Variants in NCK1 observed in about 807,000 individuals in gnomAD.
NCK1 encodes NCK adaptor protein 1, also known as SH2/SH3 adapter protein NCK1.
In NCK1, 19 loss-of-function variants were observed where a neutral mutation model predicts 36.6. The ratio of observed to expected loss-of-function variants is 0.52; its 90% CI spans 0.36 to 0.76. NCK1 has a LOEUF of 0.76. NCK1 is among the 30% of genes least tolerant of loss of function. The pLI is 0.00. For synonymous variants in NCK1, 165 were observed against 156.0 expected (o/e 1.06, Z -0.43); for missense variants, 358 against 445.6 (o/e 0.80, Z 1.77).
intron 1 of NCK1, chr3:136,899,518 C>T (rs775082088): frequency 2.2e-6 from 1 of 449,212 alleles, no homozygotes; most frequent in Non-Finnish European, 4.3e-6. Context: ...TCCTCAGAAT[C>T]TTCACCAGTT....
chr3:136,899,772 TTC>T, intron 1 of NCK1: 1 of 1,346,446 alleles, frequency 7.4e-7, no homozygotes, highest in South Asian at 1.2e-5. Flanking sequence ...ATCTTGAGAC[TTC>T]TGCACATTAG....
chr3:136,943,569 C>T (rs1940731547), intron 2 of NCK1, among the ~76,000 whole-genome samples: 1 of 152,194 alleles, frequency 6.6e-6, no homozygotes, highest in Admixed American at 6.5e-5. Context: ...AGTATGTCAT[C>T]TTGTGAAACA....
intron 1 of NCK1, among the ~76,000 whole-genome samples, chr3:136,903,239 G>A (rs1457882535): frequency 1.4e-4 from 21 of 152,018 alleles, no homozygotes; most frequent in Admixed American, 1.4e-3. Context: ...TTGACTTAAA[G>A]TTTGTTTTGT....
At chr3:136,880,626 A>G (rs1938907095) in intron 1 of NCK1, among the ~76,000 whole-genome samples, 3 of 151,950 alleles carry the variant, frequency 2.0e-5, no homozygotes, top group Admixed American at 2.0e-4. Flanking sequence ...CAATCAACAA[A>G]CTTTGTTTGT....
intron 1 of NCK1, chr3:136,899,239 G>T: frequency 3.8e-6 from 1 of 262,226 alleles, no homozygotes; most frequent in South Asian, 5.0e-5. Context: ...TCAGCTGAAG[G>T]ACTGCATATT....
intron 2 of NCK1, among the ~76,000 whole-genome samples, chr3:136,940,378 C>T (rs1398534872): frequency 2.6e-5 from 4 of 152,088 alleles, no homozygotes; most frequent in African/African-American, 9.7e-5. Flanking sequence ...GTATTGATGT[C>T]TCCAAGTATA....
chr3:136,940,410 A>G (rs1388727526), intron 2 of NCK1, among the ~76,000 whole-genome samples: 1 of 151,912 alleles, frequency 6.6e-6, no homozygotes, highest in African/African-American at 2.4e-5. Context: ...TTCTCCCTCA[A>G]TTCTGTCATT....
chr3:136,946,785 TTTA>T (rs1435778636), intron 3 of NCK1: 2 of 152,742 alleles, frequency 1.3e-5, no homozygotes, highest in Non-Finnish European at 2.9e-5. Context: ...GGAATGCACT[TTTA>T]TTATAACCTC....
At chr3:136,881,700 CT>C (rs1013037383) in intron 1 of NCK1, among the ~76,000 whole-genome samples, 1 of 152,200 alleles carries the variant, frequency 6.6e-6, no homozygotes, top group African/African-American at 2.4e-5. Context: ...CTCCTAGCCC[CT>C]GGCAACCACT....
chr3:136,875,073 A>G (rs1938728347), intron 1 of NCK1, among the ~76,000 whole-genome samples: 4 of 152,274 alleles, frequency 2.6e-5, no homozygotes, highest in Non-Finnish European at 5.9e-5. Context: ...TACCTTCTGA[A>G]TCTGTAAAAT....
chr3:136,875,749 CAG>C (rs1375355159), intron 1 of NCK1, among the ~76,000 whole-genome samples: 2 of 148,908 alleles, frequency 1.3e-5, no homozygotes, highest in African/African-American at 5.0e-5. Flanking sequence ...ATCAACGAGA[CAG>C]AAAGTCAACA....
intron 1 of NCK1, among the ~76,000 whole-genome samples, chr3:136,871,038 A>AT (rs573031360): frequency 2.0e-5 from 3 of 151,924 alleles, no homozygotes; most frequent in East Asian, 1.9e-4. Flanking sequence ...AAGGCTTTAC[A>AT]TTTTTTTTCC....
At chr3:136,946,355 G>C (rs1414282152) in intron 3 of NCK1, 60 bp downstream of exon 3, 6 of 1,411,166 alleles carry the variant, frequency 4.3e-6, no homozygotes, top group East Asian at 2.3e-5. Context: ...AAAAAAGAGA[G>C]AGAGAAATGG....
At chr3:136,901,122 A>G (rs1188247365) in intron 1 of NCK1, among the ~76,000 whole-genome samples, 1 of 152,150 alleles carries the variant, frequency 6.6e-6, no homozygotes, top group African/African-American at 2.4e-5. Context: ...ACGAAGGGAC[A>G]CTGAATTTTA....
intron 1 of NCK1, among the ~76,000 whole-genome samples, chr3:136,903,479 C>T (rs1400517868): frequency 1.3e-5 from 2 of 152,194 alleles, no homozygotes; most frequent in African/African-American, 2.4e-5. Flanking sequence ...GACTGGAGTA[C>T]AATGGTGCGG....
intron 1 of NCK1, among the ~76,000 whole-genome samples, chr3:136,917,739 C>T (rs552297444): frequency 5.5e-4 from 83 of 152,288 alleles, no homozygotes; most frequent in African/African-American, 1.8e-3. Flanking sequence ...ACAGTTCTTT[C>T]CCACAGCACT....
At chr3:136,934,913 G>A (rs1421456351) in intron 2 of NCK1, among the ~76,000 whole-genome samples, 1 of 152,122 alleles carries the variant, frequency 6.6e-6, no homozygotes, top group African/African-American at 2.4e-5. Context: ...GGTGAACTGT[G>A]AGGTCAGGAA....
Position 136,945,587 on chromosome 3 carries a change from T to C in NCK1, c.231T>C (p.Ile77=). The C allele has an allele frequency of 4.4e-6, 7 of 1,595,310 alleles. No homozygotes were observed. Among genetic ancestry groups the C allele is most frequent in the Non-Finnish European group, 6.0e-6 (7 of 1,168,958 alleles). The change falls in exon 3 of 4, where the codon ATT becomes ATC. Residue 77 remains isoleucine (I), a synonymous_variant. Transcript: ENST00000481752. ...IVKNLKDTLG[I]GKVKRKPSVP... is the part of the protein sequence containing the mutation. ...GGCCCTTTTTAATTTCAACAGGCAT[T>C]GGAAAAGTGAAAAGAAAACCTAGTG...
At chr3:136,879,358 C>T (rs995231643) in intron 1 of NCK1, among the ~76,000 whole-genome samples, 2 of 152,016 alleles carry the variant, frequency 1.3e-5, no homozygotes, top group African/African-American at 4.8e-5. Flanking sequence ...CGTGATTTTG[C>T]AGAATGAGAG....
Sources: allele counts gnomAD v4.1 joint callset (sites outside exome capture counted in the v4.1 genomes callset), GRCh38; gene constraint gnomAD v4.1.1; transcripts MANE v1.5; gene names NCBI Gene and HGNC (gene_info 2026-07-23, HGNC 2026-07-21).